BCL11A: variants seen among roughly 807,000 people sequenced by gnomAD.
BCL11A encodes the protein BCL11 transcription factor A, also known as B cell CLL/lymphoma 11A.
BCL11A carries 2 observed loss-of-function variants against 55.9 expected under a neutral mutation model. The observed-to-expected ratio is 0.04, with a 90% CI of 0.01 to 0.11. BCL11A has a LOEUF of 0.11. Among genes scored for constraint, BCL11A ranks in the 10% least tolerant of loss-of-function variants. The pLI is 1.00. For missense variants in BCL11A, 817 were observed against 1,137.1 expected, an observed-to-expected ratio of 0.72 and a Z score of 4.05; for synonymous variants, 465 against 473.4, an observed-to-expected ratio of 0.98 and a Z score of 0.23.
intron 2 of BCL11A, chr2:60,536,704 C>T (rs778868867): frequency 7.2e-5 from 11 of 152,204 alleles, no homozygotes; most frequent in South Asian, 2.1e-4. Context: ...CTGGCAACAC[C>T]GCAATCACAT....
intron 2 of BCL11A, among the ~76,000 whole-genome samples, chr2:60,541,044 C>G (rs1313835456): frequency 6.7e-6 from 1 of 149,724 alleles, no homozygotes; most frequent in East Asian, 2.0e-4. Context: ...ACACAGAGAA[C>G]GGGAGGGAAA....
intron 3 of BCL11A, among the ~76,000 whole-genome samples, chr2:60,467,913 T>C (rs1676918061): frequency 7.9e-6 from 1 of 126,886 alleles, no homozygotes; most frequent in Non-Finnish European, 1.8e-5. Context: ...GTAATGGTGG[T>C]GGTGGTGGTG....
At chr2:60,476,085 C>G (rs1292357744) in intron 2 of BCL11A, among the ~76,000 whole-genome samples, 1 of 152,208 alleles carries the variant, frequency 6.6e-6, no homozygotes, top group African/African-American at 2.4e-5. Flanking sequence ...ACCAAGAGAC[C>G]TACTATAGGC....
intron 2 of BCL11A, among the ~76,000 whole-genome samples, chr2:60,483,057 G>T (rs1300487760): frequency 6.6e-6 from 1 of 152,194 alleles, no homozygotes; most frequent in African/African-American, 2.4e-5. Flanking sequence ...TTCAGCCCAT[G>T]ATTACTTTGC....
At chr2:60,537,701 A>G (rs987901603) in intron 2 of BCL11A, 2 of 152,264 alleles carry the variant, frequency 1.3e-5, no homozygotes, top group Admixed American at 1.3e-4. Context: ...GCATCATTAC[A>G]TATTAAGAAA....
chr2:60,451,200 A>G (rs1192534535), exon 5 of BCL11A: 1 of 209,028 alleles, frequency 4.8e-6, no homozygotes, highest in Non-Finnish European at 9.7e-6. Context: ...ATAAGCAGGA[A>G]ATAATTCACA....
Position 60,461,469 on chromosome 2 carries a change from C to T in BCL11A, c.1443G>A (p.Glu481=), listed in dbSNP as rs752412163. The change falls in exon 4 of 4, where the codon GAG becomes GAA. Residue 481 remains glutamate, a synonymous_variant. Coordinates refer to ENST00000642384, the MANE Select transcript of BCL11A (RefSeq NM_022893.4). ...CCTCCTCTTCCTCCTCGTCCCCGTT[C>T]TCCGGGATCAGGTTGGGGTCGTTCT... The part of the protein sequence containing the change: ...KSENDPNLIP[E]NGDEEEEEDD... 1.2e-6 allele frequency: 2 copies of T among 1,604,576 alleles called. No individual in the cohort carries two copies. Among genetic ancestry groups the T allele is most frequent in the Non-Finnish European group, 1.7e-6 (2 of 1,179,708 alleles).
At chr2:60,469,719 A>G (rs1294410820) in intron 2 of BCL11A, among the ~76,000 whole-genome samples, 2 of 152,148 alleles carry the variant, frequency 1.3e-5, no homozygotes, top group East Asian at 1.9e-4. Context: ...GAGAAGAGGA[A>G]AATTTGGTTT....
intron 2 of BCL11A, among the ~76,000 whole-genome samples, chr2:60,528,709 T>C (rs902319022): frequency 6.6e-6 from 1 of 152,114 alleles, no homozygotes; most frequent in Non-Finnish European, 1.5e-5. Context: ...CATTTAACCC[T>C]TGATGAACCC....
In BCL11A at chr2:60,461,246, G is replaced by T; in HGVS notation, c.1666C>A (p.Gln556Lys). 6.2e-7 allele frequency: 1 copy of T among 1,609,326 alleles called. No homozygotes were observed. The highest frequency in any genetic ancestry group is 8.5e-7 in the Non-Finnish European group (1 of 1,179,760). Reference sequence around the variant, plus strand: ...TGGTGGAAGGCCTCGCTGAAGTGCTGCATGGAGCTGAGCACCATGCCCTGC... The same window carrying T: ...TGGTGGAAGGCCTCGCTGAAGTGCTTCATGGAGCTGAGCACCATGCCCTGC... The part of the protein sequence containing the change: ...VMQGMVLSSM[Q>K]HFSEAFHQVL... The change falls in exon 4 of 4, where the codon CAG becomes AAG. Residue 556 changes from glutamine to lysine, a missense_variant. Physicochemically the swap from Gln to Lys is moderately conservative, Grantham distance 53. Coordinates refer to ENST00000642384, the MANE Select transcript of BCL11A (RefSeq NM_022893.4).
chr2:60,540,777 G>A (rs942713170), intron 2 of BCL11A, among the ~76,000 whole-genome samples: 4 of 152,084 alleles, frequency 2.6e-5, no homozygotes, highest in Non-Finnish European at 5.9e-5. Flanking sequence ...GACCCTGCCT[G>A]CACGTTTCTA....
chr2:60,551,070 G>T, intron 1 of BCL11A: 1 of 396,678 alleles, frequency 2.5e-6, no homozygotes, highest in Non-Finnish European at 4.4e-6. Flanking sequence ...AATTCCCTGT[G>T]CGCACCCCCC....
intron 2 of BCL11A, among the ~76,000 whole-genome samples, chr2:60,478,632 G>T (rs1677768773): frequency 6.6e-6 from 1 of 152,210 alleles, no homozygotes; most frequent in Non-Finnish European, 1.5e-5. Flanking sequence ...GAAATTATGA[G>T]AACTAATTTA....
intron 2 of BCL11A, chr2:60,534,529 T>C (rs2104660046): frequency 6.6e-6 from 1 of 152,362 alleles, no homozygotes; most frequent in Middle Eastern, 3.4e-3. Context: ...AAACAGGCAA[T>C]ACATATTTCT....
intron 2 of BCL11A, among the ~76,000 whole-genome samples, chr2:60,498,362 C>G (rs986956080): frequency 6.6e-6 from 1 of 152,024 alleles, no homozygotes; most frequent in Non-Finnish European, 1.5e-5. Flanking sequence ...AACTCCCTAC[C>G]GCGACCCCTA....
intron 2 of BCL11A, among the ~76,000 whole-genome samples, chr2:60,539,123 GCTAT>G (rs1037479466): frequency 3.5e-4 from 53 of 152,310 alleles, no homozygotes; most frequent in Admixed American, 2.4e-3. Flanking sequence ...TTCACACTGG[GCTAT>G]CTAAGTTTAT....
intron 1 of BCL11A, chr2:60,550,858 C>T (rs1670381496): frequency 2.5e-6 from 1 of 398,640 alleles, no homozygotes. Flanking sequence ...CCCTTCCTTC[C>T]CGCCGGTACC....
chr2:60,464,111 C>T (rs1676469922), intron 3 of BCL11A, among the ~76,000 whole-genome samples: 2 of 152,298 alleles, frequency 1.3e-5, no homozygotes, highest in South Asian at 4.1e-4. Context: ...CCTGCCCTGA[C>T]CTTGTAATTT....
At chr2:60,467,999 GTGGTGGTGA>G (rs1676944595) in intron 3 of BCL11A, among the ~76,000 whole-genome samples, 7 of 109,086 alleles carry the variant, frequency 6.4e-5, no homozygotes, top group Non-Finnish European at 1.3e-4. Flanking sequence ...GGTAATGGTG[GTGGTGGTGA>G]TGGTGGTGGT....
Sources: allele counts gnomAD v4.1 joint callset (sites outside exome capture counted in the v4.1 genomes callset), GRCh38; gene constraint gnomAD v4.1.1; transcripts MANE v1.5; gene names NCBI Gene and HGNC (gene_info 2026-07-23, HGNC 2026-07-21).